The following ARHGAP29 variants were observed in gnomAD, a reference collection of about 807,000 sequenced individuals.
The protein encoded by ARHGAP29 is rho GTPase-activating protein 29.
Under a neutral mutation model 122.6 loss-of-function variants are expected in ARHGAP29, and 43 were observed. The ratio of observed to expected loss-of-function variants is 0.35; its 90% CI spans 0.27 to 0.45. The LOEUF is 0.45. Ranked by LOEUF, ARHGAP29 falls within the 20% of genes least tolerant of loss-of-function variation. The pLI is 1.00. For missense variants in ARHGAP29, 1,303 were observed against 1,477.2 expected, an observed-to-expected ratio of 0.88 and a Z score of 1.93; for synonymous variants, 506 against 497.1, an observed-to-expected ratio of 1.02 and a Z score of -0.24.
At chr1:94,307,592 G>A in the ARHGAP29 span, among the ~76,000 whole-genome samples, 14 of 152,118 alleles carry the variant, frequency 9.2e-5, no homozygotes, top group African/African-American at 3.1e-4. Context: ...TTAAATTCCT[G>A]CTGGAATAGA....
chr1:94,209,081 T>C (rs1007453953), intron 4 of ARHGAP29, among the ~76,000 whole-genome samples, 173 bp downstream of exon 4: 2 of 152,230 alleles, frequency 1.3e-5, no homozygotes, highest in South Asian at 4.1e-4. Context: ...TCTAAATAGC[T>C]ATAAAAATAT....
At chr1:94,202,881 C>A in intron 10 of ARHGAP29, 37 bp downstream of exon 10, 1 of 1,569,144 alleles carries the variant, frequency 6.4e-7, no homozygotes, top group South Asian at 1.2e-5. Context: ...TTTAAATGTT[C>A]ACAAATAGGT....
At chr1:94,304,918 C>T in the ARHGAP29 span, among the ~76,000 whole-genome samples, 1 of 152,204 alleles carries the variant, frequency 6.6e-6, no homozygotes, top group African/African-American at 2.4e-5. Flanking sequence ...AGCAAATCTG[C>T]TGGTGAGCCT....
rs1557831239 is a variant in ARHGAP29 at position 94,171,151 on chromosome 1, G to A, written c.*2718C>T. On this transcript the variant is annotated 3_prime_UTR_variant, in exon 23 of 23. Coordinates refer to ENST00000260526, the MANE Select transcript of ARHGAP29 (RefSeq NM_004815.4). Reference sequence around the variant, plus strand: ...AGTTGTATAAATACTGTAACACAACGATAGCTGGGAATAGTGTAGCCATAG... The same window carrying A: ...AGTTGTATAAATACTGTAACACAACAATAGCTGGGAATAGTGTAGCCATAG... 6.6e-6 allele frequency among the ~76,000 whole-genome samples: 1 copy of A among 152,230 alleles called. No individual in the cohort carries two copies. Among genetic ancestry groups the A allele is most frequent in the South Asian group, 2.1e-4 (1 of 4,820 alleles).
Position 94,203,939 on chromosome 1 carries a change from A to C in ARHGAP29, c.753T>G (p.Ile251Met), listed in dbSNP as rs2101515898. 5.6e-6 allele frequency: 9 copies of C among 1,613,884 alleles called. No homozygotes were observed. The East Asian group carries it at 1.3e-4, about 24-fold the overall frequency. The change falls in exon 8 of 23, where the codon ATT becomes ATG. Residue 251 changes from isoleucine to methionine, a missense_variant. Physicochemically the swap from Ile to Met is conservative, Grantham distance 10 (BLOSUM62 1). Coordinates refer to ENST00000260526, the MANE Select transcript of ARHGAP29 (RefSeq NM_004815.4). ...VKLAEATRTN[I>M]GIQEFMPLQS... ...TTCACAGAACACTTACCTGAATTCC[A>C]ATGTTAGTTCTAGTTGCCTCTGCCA...
chr1:94,288,592 T>C, the ARHGAP29 span, among the ~76,000 whole-genome samples: 1 of 152,236 alleles, frequency 6.6e-6, no homozygotes, highest in African/African-American at 2.4e-5. Flanking sequence ...TCCTGAATGA[T>C]ATTGCCCAGG....
chr1:94,230,043 G>A (rs909712576), intron 2 of ARHGAP29, among the ~76,000 whole-genome samples: 7 of 151,316 alleles, frequency 4.6e-5, no homozygotes, highest in African/African-American at 1.7e-4. Flanking sequence ...CTTAAATCAA[G>A]GTAAATGACT....
chr1:94,286,469 A>G, the ARHGAP29 span, among the ~76,000 whole-genome samples: 4 of 152,142 alleles, frequency 2.6e-5, no homozygotes, highest in Non-Finnish European at 4.4e-5. Context: ...GGAGTTCAAG[A>G]CCAGCCTGGG....
At chr1:94,201,407 A>T (rs1650835146) in intron 12 of ARHGAP29, among the ~76,000 whole-genome samples, 1 of 152,016 alleles carries the variant, frequency 6.6e-6, no homozygotes, top group South Asian at 2.1e-4. Flanking sequence ...CTTATCAGGC[A>T]TACCTTCCCC....
chr1:94,245,807 C>A (rs948504010), intron 1 of ARHGAP29, among the ~76,000 whole-genome samples: 3 of 152,076 alleles, frequency 2.0e-5, no homozygotes, highest in Non-Finnish European at 2.9e-5. Flanking sequence ...ATAAGTGACA[C>A]GAGAATGAAA....
At position 94,231,509 on chromosome 1, in the gene ARHGAP29, T is replaced by A; in HGVS notation, c.103A>T (p.Ser35Cys). The change falls in exon 2 of 23, where the codon AGT (serine) becomes TGT (cysteine). Residue 35 changes from serine (S) to cysteine (C), a missense_variant. Transcript: ENST00000260526. ...TCCGGATCAAAAATAGAGTTGGAAC[T>A]TAAGGACTTGAGCCCCATTTCAGAA... Reference protein sequence around the residue: ...TTSEMGLKSLSSNSIFDPDYI... With the variant: ...TTSEMGLKSLCSNSIFDPDYI... 6.2e-7 allele frequency: 1 copy of A among 1,613,858 alleles called. No individual in the cohort carries two copies. The highest frequency in any genetic ancestry group is 8.5e-7 in the Non-Finnish European group (1 of 1,179,778).
intron 15 of ARHGAP29, among the ~76,000 whole-genome samples, chr1:94,187,511 C>T (rs528292297): frequency 2.4e-4 from 36 of 152,286 alleles, no homozygotes; most frequent in Non-Finnish European, 4.3e-4. Context: ...ATCTGCCTCC[C>T]TATAAATCCC....
the ARHGAP29 span, among the ~76,000 whole-genome samples, chr1:94,296,999 G>C: frequency 6.6e-6 from 1 of 152,192 alleles, no homozygotes; most frequent in African/African-American, 2.4e-5. Context: ...AGTGCAGGGA[G>C]GATGAGAATG....
At chr1:94,269,455 C>A (rs952218220) in intron 1 of ARHGAP29, among the ~76,000 whole-genome samples, 2 of 152,128 alleles carry the variant, frequency 1.3e-5, no homozygotes, top group Non-Finnish European at 2.9e-5. Flanking sequence ...TAGACCACTG[C>A]CAAGTTCACC....
At chr1:94,295,742 T>TCCACACAATGTGGAATCTTCTAATC in the ARHGAP29 span, among the ~76,000 whole-genome samples, 2 of 151,490 alleles carry the variant, frequency 1.3e-5, no homozygotes, top group South Asian at 2.1e-4. Flanking sequence ...ATCTTCTAAT[T>TCCACACAATGTGGAATCTTCTAATC]CCACACAATG....
At chr1:94,185,130 A>C in intron 17 of ARHGAP29, 70 bp from the exon 18 acceptor site, 1 of 1,405,758 alleles carries the variant, frequency 7.1e-7, no homozygotes, top group Non-Finnish European at 9.6e-7. Context: ...CTGCAGGTGG[A>C]AGGTAACACA....
chr1:94,221,397 G>C (rs1652283189), intron 2 of ARHGAP29, among the ~76,000 whole-genome samples: 1 of 151,922 alleles, frequency 6.6e-6, no homozygotes, highest in African/African-American at 2.4e-5. Context: ...CACTTACTAT[G>C]TGCTAGGCAC....
chr1:94,258,179 G>A (rs1347655505), intron 1 of ARHGAP29, among the ~76,000 whole-genome samples: 1 of 152,132 alleles, frequency 6.6e-6, no homozygotes, highest in Admixed American at 6.5e-5. Flanking sequence ...ATTTGCCCTG[G>A]ACAGTTTCAG....
chr1:94,187,281 AG>A (rs1649867514), intron 15 of ARHGAP29, among the ~76,000 whole-genome samples: 1 of 152,240 alleles, frequency 6.6e-6, no homozygotes, highest in South Asian at 2.1e-4. Flanking sequence ...CCTTAACGTA[AG>A]GCCTTAAACG....
Sources: allele counts gnomAD v4.1 joint callset (sites outside exome capture counted in the v4.1 genomes callset), GRCh38; gene constraint gnomAD v4.1.1; transcripts MANE v1.5; gene names NCBI Gene and HGNC (gene_info 2026-07-23, HGNC 2026-07-21).